PCDH7: variants seen among roughly 807,000 people sequenced by gnomAD.
PCDH7 encodes the protein protocadherin 7.
Under a neutral mutation model 58.9 loss-of-function variants are expected in PCDH7, and 17 were observed. The observed-to-expected ratio is 0.29, with a 90% CI of 0.20 to 0.43. The LOEUF (loss-of-function observed/expected upper bound fraction) is 0.43, where lower values mean the gene tolerates loss of function less well. PCDH7 is among the 20% of genes least tolerant of loss of function. PCDH7 has a pLI of 1.00. For missense variants in PCDH7, 1,274 were observed against 1,441.0 expected (o/e 0.88, Z 1.88); for synonymous variants, 664 against 616.4 (o/e 1.08, Z -1.14).
At chr4:30,884,831 A>G (rs1010675253) in intron 1 of PCDH7, 2 of 152,106 alleles carry the variant, frequency 1.3e-5, no homozygotes, top group Admixed American at 6.6e-5. Context: ...GTCACTCAGG[A>G]GGTCAGGCAA....
chr4:31,134,046 A>G (rs1719292665), intron 3 of PCDH7, among the ~76,000 whole-genome samples: 1 of 152,208 alleles, frequency 6.6e-6, no homozygotes, highest in Non-Finnish European at 1.5e-5. Flanking sequence ...AAAGGTTTAG[A>G]TAGTAGCTCT....
In PCDH7 at chr4:30,930,987, C is replaced by A. The variant is rs1306549709; in HGVS notation, c.287+10618C>A. On this transcript the variant is annotated intron_variant, in intron 2 of 3. Coordinates refer to the PCDH7 transcript ENST00000509759. ...ACAAAAAAATAAAAACTGAAACAAA[C>A]AAAATATGACAGGATAAATGAAGAA... Among the ~76,000 whole-genome samples the A allele has an allele frequency of 2.0e-5, 3 of 151,852 alleles. No homozygotes were observed. The East Asian group carries it at 5.8e-4, about 29-fold the overall frequency.
intron 3 of PCDH7, among the ~76,000 whole-genome samples, chr4:31,141,668 T>C (rs16884413): frequency 0.017 from 2,567 of 152,328 alleles, 33 homozygotes; most frequent in Non-Finnish European, 0.027. Flanking sequence ...TCCCATTCCA[T>C]TGGACAGCAC....
intron 3 of PCDH7, among the ~76,000 whole-genome samples, chr4:31,078,058 A>T (rs1759154093): frequency 6.6e-6 from 1 of 152,156 alleles, no homozygotes; most frequent in South Asian, 2.1e-4. Flanking sequence ...CTTCTATCTA[A>T]CAAGGGTCAA....
intron 3 of PCDH7, among the ~76,000 whole-genome samples, chr4:30,963,194 CA>C (rs1170096178): frequency 6.6e-6 from 1 of 152,162 alleles, no homozygotes; most frequent in Non-Finnish European, 1.5e-5. Flanking sequence ...TAAATCTAAT[CA>C]ATCAAAAAGA....
exon 2 of PCDH7, chr4:30,730,956 A>C: frequency 7.7e-7 from 1 of 1,292,260 alleles, no homozygotes; most frequent in Non-Finnish European, 9.8e-7. Flanking sequence ...ACAGAAAAAT[A>C]GTATGAAAAT....
At chr4:31,030,527 A>T (rs1443878332) in intron 3 of PCDH7, among the ~76,000 whole-genome samples, 1 of 152,230 alleles carries the variant, frequency 6.6e-6, no homozygotes, top group Admixed American at 6.5e-5. Context: ...TTTTATTTAC[A>T]TATAATTTTA....
At chr4:30,859,964 A>G (rs1241968028) in intron 1 of PCDH7, among the ~76,000 whole-genome samples, 1 of 152,168 alleles carries the variant, frequency 6.6e-6, no homozygotes, top group Non-Finnish European at 1.5e-5. Flanking sequence ...TTTTCATGAA[A>G]ATGTGACTGA....
chr4:31,008,626 T>A (rs1481575128), intron 3 of PCDH7, among the ~76,000 whole-genome samples: 3 of 152,160 alleles, frequency 2.0e-5, no homozygotes, highest in Non-Finnish European at 4.4e-5. Flanking sequence ...AAATAGCAGC[T>A]GTAAACTATC....
In PCDH7 at chr4:30,972,280, G is replaced by GT. The variant is rs1232768145; in HGVS notation, c.*7+22073dup. ...GACTGTTATGAAAATTTAACATAGT[G>GT]TTTTTTTTATATGAGTCATTCAGCT... On this transcript the variant is annotated intron_variant, in intron 3 of 3. Transcript: ENST00000509759. Among the ~76,000 whole-genome samples the GT allele has an allele frequency of 4.6e-5, 7 of 151,820 alleles. No individual in the cohort carries two copies. The Middle Eastern group carries it at 0.014, about 297-fold the overall frequency.
chr4:31,008,243 G>A (rs886588470), intron 3 of PCDH7, among the ~76,000 whole-genome samples: 17 of 152,158 alleles, frequency 1.1e-4, no homozygotes, highest in African/African-American at 3.9e-4. Flanking sequence ...CACTTTCTGA[G>A]ATATATTCAT....
At chr4:31,109,690 A>G (rs1170283589) in intron 3 of PCDH7, among the ~76,000 whole-genome samples, 1 of 152,202 alleles carries the variant, frequency 6.6e-6, no homozygotes, top group Non-Finnish European at 1.5e-5. Flanking sequence ...GCCTTCACCA[A>G]ATTAATATTC....
intron 3 of PCDH7, among the ~76,000 whole-genome samples, chr4:30,984,966 T>TTTG (rs202106995): frequency 4.6e-5 from 7 of 151,960 alleles, no homozygotes; most frequent in African/African-American, 7.2e-5. Flanking sequence ...ATTTCATCTT[T>TTTG]TTGTTGTTGT....
At chr4:30,840,373 C>T (rs1423570196) in intron 1 of PCDH7, among the ~76,000 whole-genome samples, 1 of 152,040 alleles carries the variant, frequency 6.6e-6, no homozygotes, top group Non-Finnish European at 1.5e-5. Context: ...ACCTTAAACT[C>T]GCTTACTTAA....
At chr4:30,799,970 C>T (rs1254330946) in intron 1 of PCDH7, among the ~76,000 whole-genome samples, 1 of 151,792 alleles carries the variant, frequency 6.6e-6, no homozygotes, top group Non-Finnish European at 1.5e-5. Flanking sequence ...TCTTCCGCCT[C>T]AGCCTCCTGA....
intron 3 of PCDH7, among the ~76,000 whole-genome samples, chr4:31,130,255 T>A (rs1332831884): frequency 6.6e-6 from 1 of 151,890 alleles, no homozygotes; most frequent in Non-Finnish European, 1.5e-5. Flanking sequence ...AGGTGAGCTG[T>A]TTGTACTTTA....
chr4:30,900,707 G>A (rs770818337), intron 1 of PCDH7, among the ~76,000 whole-genome samples: 87 of 152,200 alleles, frequency 5.7e-4, no homozygotes, highest in Non-Finnish European at 1.0e-3. Flanking sequence ...ATGCTAAAAG[G>A]CAGAAGAGAT....
At chr4:30,753,270 T>C (rs980341243) in intron 1 of PCDH7, among the ~76,000 whole-genome samples, 1 of 152,186 alleles carries the variant, frequency 6.6e-6, no homozygotes, top group African/African-American at 2.4e-5. Flanking sequence ...TCTCTAACTG[T>C]AAAAAGAGAG....
At chr4:31,041,211 C>A (rs538374959) in intron 3 of PCDH7, among the ~76,000 whole-genome samples, 140 of 152,294 alleles carry the variant, frequency 9.2e-4, no homozygotes, top group Non-Finnish European at 1.7e-3. Context: ...TATCCATTTT[C>A]TTCTGAAGTG....
Sources: gnomAD v4.1 joint callset for allele counts (sites outside exome capture counted in the v4.1 genomes callset) on GRCh38, gnomAD v4.1.1 for gene constraint, MANE v1.5 for transcripts, NCBI Gene and HGNC (gene_info 2026-07-23, HGNC 2026-07-21) for gene names.